Variants in AEBP2 observed in about 807,000 individuals in gnomAD.
AEBP2 encodes zinc finger protein AEBP2.
In AEBP2, 10 loss-of-function variants were observed where a neutral mutation model predicts 50.8. The observed-to-expected ratio is 0.20, with a 90% CI of 0.12 to 0.33. AEBP2 has a LOEUF of 0.33. Ranked by LOEUF, AEBP2 falls within the 10% of genes least tolerant of loss-of-function variation. The pLI, the probability that AEBP2 is intolerant of heterozygous loss-of-function variation, is 1.00. For missense variants in AEBP2, 570 were observed against 688.0 expected, an observed-to-expected ratio of 0.83 and a Z score of 1.92; for synonymous variants, 296 against 261.3, an observed-to-expected ratio of 1.13 and a Z score of -1.28.
In AEBP2 at chr12:19,519,511, A is replaced by G. The variant is rs1295987372; in HGVS notation, c.*1394A>G. 1 of 152,604 alleles carries G rather than the reference A, an allele frequency of 6.6e-6. No homozygotes were observed. Among genetic ancestry groups the G allele is most frequent in the African/African-American group, 2.4e-5 (1 of 41,460 alleles). 9.5% of individuals were successfully genotyped at this position (152,604 alleles called of 1,614,324 possible). ...TAGAATTATGGCACTCATTTCTGACAGTGATCAAGAAATCAGTTATTTCCT... is the reference window on the plus strand; with the variant it reads ...TAGAATTATGGCACTCATTTCTGACGGTGATCAAGAAATCAGTTATTTCCT... On this transcript the variant is annotated 3_prime_UTR_variant, in exon 8 of 8. Transcript: ENST00000266508.
chr12:19,427,377 CAAAAAAAA>C (rs58310486), intron 1 of AEBP2, among the ~76,000 whole-genome samples: 1 of 69,984 alleles, frequency 1.4e-5, no homozygotes, highest in Non-Finnish European at 2.9e-5. Context: ...GAGTCTGTCT[CAAAAAAAA>C]AAAAAAAAAA....
chr12:19,457,586 G>A (rs867361048), intron 1 of AEBP2: 3 of 1,478,802 alleles, frequency 2.0e-6, no homozygotes, highest in Non-Finnish European at 2.7e-6. Context: ...CAGTAGTGGT[G>A]GACTTGTACG....
intron 1 of AEBP2, among the ~76,000 whole-genome samples, chr12:19,448,542 C>T (rs894404464): frequency 6.6e-6 from 1 of 152,016 alleles, no homozygotes; most frequent in African/African-American, 2.4e-5. Context: ...TTGCCTTCTG[C>T]ACTCACTCAG....
At chr12:19,464,053 G>A (rs1167193373) in intron 2 of AEBP2, among the ~76,000 whole-genome samples, 1 of 152,156 alleles carries the variant, frequency 6.6e-6, no homozygotes, top group African/African-American at 2.4e-5. Flanking sequence ...GATAAGTATA[G>A]CAATTGTACA....
intron 2 of AEBP2, among the ~76,000 whole-genome samples, chr12:19,471,617 T>C (rs531734543): frequency 9.2e-5 from 14 of 152,136 alleles, no homozygotes; most frequent in Admixed American, 8.5e-4. Context: ...TCATCCTGCC[T>C]CAGCTGCTAG....
chr12:19,465,080 A>T (rs1306885827), intron 2 of AEBP2, among the ~76,000 whole-genome samples: 1 of 152,062 alleles, frequency 6.6e-6, no homozygotes, highest in Non-Finnish European at 1.5e-5. Flanking sequence ...CAATAATAAG[A>T]TTCTCTAGCT....
At position 19,439,722 on chromosome 12, in the gene AEBP2, T is replaced by G; in HGVS notation, c.23T>G (p.Met8Arg). The change falls in exon 1 of 8, where the codon ATG becomes AGG. Residue 8 changes from methionine (M) to arginine (R), a missense_variant. This residue lies in a region of AEBP2 where 386 missense variants were observed against 336.8 expected (regional missense o/e 1.15). Transcript: ENST00000266508. ...GCCATGGCCGCCGCTATCACCGACA[T>G]GGCCGACCTGGAGGAGCTCTCCCGC... is the stretch of plus-strand genomic sequence containing the variant. MAAAITD[M>R]ADLEELSRLS... The G allele has an allele frequency of 6.6e-7, 1 of 1,513,080 alleles. No individual in the cohort carries two copies. The highest frequency in any genetic ancestry group is 8.8e-7 in the Non-Finnish European group (1 of 1,138,240). 93.7% of individuals were successfully genotyped at this position (1,513,080 alleles called of 1,614,324 possible).
At chr12:19,476,872 G>C (rs1465400841) in intron 3 of AEBP2, among the ~76,000 whole-genome samples, 1 of 152,088 alleles carries the variant, frequency 6.6e-6, no homozygotes, top group Non-Finnish European at 1.5e-5. Context: ...ACTTTGATGG[G>C]AATTGCGTTG....
At chr12:19,482,615 G>T (rs984284777) in intron 3 of AEBP2, among the ~76,000 whole-genome samples, 1 of 152,152 alleles carries the variant, frequency 6.6e-6, no homozygotes, top group African/African-American at 2.4e-5. Context: ...CCCTAAGTTG[G>T]CCTGGGCAAG....
Position 19,439,797 on chromosome 12 carries a change from C to G in AEBP2, c.98C>G (p.Ala33Gly). 6.6e-7 allele frequency: 1 copy of G among 1,513,050 alleles called. No homozygotes were observed. The highest frequency in any genetic ancestry group is 8.8e-7 in the Non-Finnish European group (1 of 1,137,722). The allele number at this position is 1,513,050 out of a possible 1,614,324, so 93.7% of individuals were successfully genotyped here. Reference protein sequence around the residue: ...GSPGSAARGRAEPPEEEEEEE... With the variant: ...GSPGSAARGRGEPPEEEEEEE... ...CCGGGTTCGGCGGCGCGGGGCCGGG[C>G]TGAGCCCCCCGAGGAGGAGGAGGAA... Residue 33 changes from alanine to glycine, a missense_variant, in exon 1 of 8, where the codon GCT (alanine) becomes GGT (glycine). Physicochemically the swap from Ala to Gly is moderately conservative, Grantham distance 60. Transcript: ENST00000266508.
chr12:19,425,102 C>T (rs558133138), intron 1 of AEBP2, among the ~76,000 whole-genome samples: 1 of 152,162 alleles, frequency 6.6e-6, no homozygotes, highest in Non-Finnish European at 1.5e-5. Flanking sequence ...AGCCACTAAA[C>T]TGGCATGCAA....
intron 3 of AEBP2, among the ~76,000 whole-genome samples, chr12:19,473,880 C>T (rs1306986326): frequency 1.3e-5 from 2 of 151,960 alleles, no homozygotes; most frequent in Non-Finnish European, 2.9e-5. Context: ...ATTTGAAGTA[C>T]AGGAGAAATG....
In AEBP2 at chr12:19,465,351, G is replaced by A. The variant is rs958651157; in HGVS notation, c.879+2634G>A. 3.3e-5 allele frequency among the ~76,000 whole-genome samples: 5 copies of A among 151,978 alleles called. No homozygotes were observed. The South Asian group carries it at 8.3e-4, about 25-fold the overall frequency. The stretch of plus-strand genomic sequence containing the variant: ...GGAGGTTGCAGTGAGCTGAGATCAC[G>A]CCACTGCACTCCAGCCTGGGTGACA... On this transcript the variant is annotated intron_variant, in intron 2 of 7. Coordinates refer to ENST00000266508, the MANE Select transcript of AEBP2 (RefSeq NM_153207.5).
intron 1 of AEBP2, among the ~76,000 whole-genome samples, chr12:19,459,781 A>G (rs112372719): frequency 4.6e-5 from 7 of 152,214 alleles, no homozygotes; most frequent in South Asian, 2.1e-4. Context: ...AGGTAGGTAG[A>G]TAGATGAGCT....
intron 5 of AEBP2, chr12:19,509,049 G>T (rs779006126): frequency 2.0e-5 from 12 of 585,700 alleles, no homozygotes; most frequent in Admixed American, 1.2e-4. Context: ...TGTGGCATGT[G>T]CCCAGGCAGA....
chr12:19,518,528 A>G lies in AEBP2; in HGVS notation c.*411A>G, dbSNP rs1401145659. The G allele has an allele frequency of 7.9e-7, 1 of 1,269,360 alleles. No individual in the cohort carries two copies. The highest frequency in any genetic ancestry group is 1.5e-5 in the African/African-American group (1 of 65,216). The allele number at this position is 1,269,360 out of a possible 1,614,324, so 78.6% of individuals were successfully genotyped here. A position where few individuals can be genotyped will look rare whatever the true frequency, so the allele number is the denominator to read the frequency against. ...AACATGTGCCCTTACAAATACCAAA[A>G]GCACTGTAAGGATATTTGTCTTGAC... On this transcript the variant is annotated 3_prime_UTR_variant, in exon 8 of 8. Coordinates refer to ENST00000266508, the MANE Select transcript of AEBP2 (RefSeq NM_153207.5).
intron 1 of AEBP2, among the ~76,000 whole-genome samples, chr12:19,434,114 G>A (rs1430765523): frequency 6.6e-6 from 1 of 151,818 alleles, no homozygotes; most frequent in Non-Finnish European, 1.5e-5. Flanking sequence ...CAAAGTGCTG[G>A]GATTATAGGC....
chr12:19,475,830 A>G (rs1022587533), intron 3 of AEBP2, among the ~76,000 whole-genome samples: 3 of 152,068 alleles, frequency 2.0e-5, no homozygotes, highest in Admixed American at 6.6e-5. Flanking sequence ...TCTTTTGAGA[A>G]ATGCTTATTC....
At chr12:19,504,748 T>A (rs1555187520) in intron 5 of AEBP2, among the ~76,000 whole-genome samples, 1 of 152,134 alleles carries the variant, frequency 6.6e-6, no homozygotes, top group South Asian at 2.1e-4. Flanking sequence ...ACAGCAAATA[T>A]ACCAATTAAA....
Sources: allele counts gnomAD v4.1 joint callset (sites outside exome capture counted in the v4.1 genomes callset), GRCh38; gene constraint gnomAD v4.1.1; regional missense constraint gnomAD v4.1.1; transcripts MANE v1.5; gene names NCBI Gene and HGNC (gene_info 2026-07-23, HGNC 2026-07-21).